Variants in HBB observed in about 807,000 individuals in gnomAD.
HBB encodes hemoglobin subunit beta, also known as Hb Monza protein.
In HBB, 18 loss-of-function variants were observed where a neutral mutation model predicts 9.7. The observed-to-expected ratio is 1.86, with a 90% CI of 1.28 to 2.76. The LOEUF is 2.76. HBB is among the 30% of genes most tolerant of loss of function. The pLI is 0.00. For synonymous variants in HBB, 99 were observed against 73.6 expected, an observed-to-expected ratio of 1.35 and a Z score of -1.77; for missense variants, 156 against 177.0, an observed-to-expected ratio of 0.88 and a Z score of 0.67.
At position 5,226,969 on chromosome 11, in the gene HBB, T is replaced by G. The variant is rs369865419; in HGVS notation, c.53A>C (p.Lys18Thr). 1 of 1,613,928 alleles carries G rather than the reference T, an allele frequency of 6.2e-7. No homozygotes were observed. Among genetic ancestry groups the G allele is most frequent in the South Asian group, 1.1e-5 (1 of 91,082 alleles). Residue 18 changes from lysine (K) to threonine (T), a missense_variant, in exon 1 of 3, where the codon AAG becomes ACG. Lys to Thr is a moderately conservative substitution (Grantham distance 78). Transcript: ENST00000335295. ...EKSAVTALWG[K>T]VNVDEVGGEA... ...ACCACCAACTTCATCCACGTTCACCTTGCCCCACAGGGCAGTAACGGCAGA... is the reference window on the plus strand; with the variant it reads ...ACCACCAACTTCATCCACGTTCACCGTGCCCCACAGGGCAGTAACGGCAGA...
rs181743523 is a variant in HBB at position 5,225,805 on chromosome 11, C to T, written c.316-79G>A. The T allele has an allele frequency of 1.2e-5, 17 of 1,475,478 alleles. No individual in the cohort carries two copies. The East Asian group carries it at 1.6e-4, about 14-fold the overall frequency. The allele number at this position is 1,475,478 out of a possible 1,614,324, so 91.4% of individuals were successfully genotyped here. On this transcript the variant is annotated intron_variant, in intron 2 of 2. Transcript: ENST00000335295. Reference sequence around the variant, plus strand: ...GACTCAGAATAATCCAGCCTTATCCCAACCATAAAATAAAAGCAGAATGGT... The same window carrying T: ...GACTCAGAATAATCCAGCCTTATCCTAACCATAAAATAAAAGCAGAATGGT...
In HBB at chr11:5,225,548, T is replaced by C. The variant is rs751286983; in HGVS notation, c.*50A>G. ...ATATCCCCCAGTTTAGTAGTTGGACTTAGGGAACAAAGGAACCTTTAATAG... is the reference window on the plus strand; with the variant it reads ...ATATCCCCCAGTTTAGTAGTTGGACCTAGGGAACAAAGGAACCTTTAATAG... On this transcript the variant is annotated 3_prime_UTR_variant, in exon 3 of 3. Coordinates refer to ENST00000335295, the MANE Select transcript of HBB (RefSeq NM_000518.5). 1 of 1,599,918 alleles carries C rather than the reference T, an allele frequency of 6.3e-7. No individual in the cohort carries two copies. The highest frequency in any genetic ancestry group is 1.1e-5 in the South Asian group (1 of 90,776).
chr11:5,226,015 G>GAAATTATT lies in HBB; in HGVS notation c.316-290_316-289insAATAATTT, dbSNP rs1417673135. Among the ~76,000 whole-genome samples the GAAATTATT allele has an allele frequency of 2.0e-5, 3 of 152,082 alleles. No homozygotes were observed. The East Asian group carries it at 5.8e-4, about 29-fold the overall frequency. On this transcript the variant is annotated intron_variant, in intron 2 of 2. Coordinates refer to ENST00000335295, the MANE Select transcript of HBB (RefSeq NM_000518.5). ...TTATTGCCCTGAAAGAAAGAGATTA[G>GAAATTATT]GGAAAGTATTAGAAATAAGATAAAC...
chr11:5,226,026 A>C (rs1847538977), intron 2 of HBB, among the ~76,000 whole-genome samples: 1 of 152,184 alleles, frequency 6.6e-6, no homozygotes, highest in Non-Finnish European at 1.5e-5. Context: ...GGAAAGTATT[A>C]GAAATAAGAT....
rs1847544650 is a variant in HBB, at chr11:5,226,317, T to TA, written c.315+259dup. 2 of 590,110 alleles carry TA rather than the reference T, an allele frequency of 3.4e-6. No homozygotes were observed. The highest frequency in any genetic ancestry group is 4.2e-5 in the South Asian group (2 of 47,270). 36.6% of individuals were successfully genotyped at this position (590,110 alleles called of 1,614,324 possible). A position where few individuals can be genotyped will look rare whatever the true frequency, so the allele number is the denominator to read the frequency against. ...ATCTCAGAGATATTTCCTTTTGTTATACACAATGTTAAGGCATTAAGTATA... is the reference window on the plus strand; with the variant it reads ...ATCTCAGAGATATTTCCTTTTGTTATAACACAATGTTAAGGCATTAAGTATA... On this transcript the variant is annotated intron_variant, in intron 2 of 2. Transcript: ENST00000335295.
At position 5,226,741 on chromosome 11, in the gene HBB, T is replaced by A. The variant is rs63750336; in HGVS notation, c.151A>T (p.Thr51Ser). Residue 51 changes from threonine (T) to serine (S), a missense_variant, in exon 2 of 3, where the codon ACT (threonine) becomes TCT (serine). Thr to Ser is a moderately conservative substitution (Grantham distance 58, BLOSUM62 1). Transcript: ENST00000335295. Reference sequence around the variant, plus strand: ...GGGTTGCCCATAACAGCATCAGGAGTGGACAGATCCCCAAAGGACTCAAAG... The same window carrying A: ...GGGTTGCCCATAACAGCATCAGGAGAGGACAGATCCCCAAAGGACTCAAAG... ...RFFESFGDLS[T>S]PDAVMGNPKV... 10 of 1,613,796 alleles carry A rather than the reference T, an allele frequency of 6.2e-6. No homozygotes were observed. Among genetic ancestry groups the A allele is most frequent in the East Asian group, 2.2e-5 (1 of 44,860 alleles).
chr11:5,225,753 A>G lies in HBB; in HGVS notation c.316-27T>C, dbSNP rs1280140490. 6.2e-7 allele frequency: 1 copy of G among 1,613,348 alleles called. No homozygotes were observed. The highest frequency in any genetic ancestry group is 8.5e-7 in the Non-Finnish European group (1 of 1,179,462). On this transcript the variant is annotated intron_variant, in intron 2 of 2. Transcript: ENST00000335295. ...TGTGGGAGGAAGATAAGAGGTATGA[A>G]CATGATTAGCAAAAGGGCCTAGCTT...
chr11:5,226,357 G>A lies in HBB; in HGVS notation c.315+220C>T, dbSNP rs113152027. 8.9e-4 allele frequency: 540 copies of A among 604,260 alleles called. 5 individuals are homozygous for A. The highest frequency in any genetic ancestry group is 8.7e-3 in the African/African-American group (465 of 53,470). The allele number at this position is 604,260 out of a possible 1,614,324, so 37.4% of individuals were successfully genotyped here. A position where few individuals can be genotyped will look rare whatever the true frequency, so the allele number is the denominator to read the frequency against. Reference sequence around the variant, plus strand: ...CATTAAGTATAATAGTAAAAATTGCGGAGAAGAAAAAAAAAGAAAGCAAGA... The same window carrying A: ...CATTAAGTATAATAGTAAAAATTGCAGAGAAGAAAAAAAAAGAAAGCAAGA... On this transcript the variant is annotated intron_variant, in intron 2 of 2. Coordinates refer to ENST00000335295, the MANE Select transcript of HBB (RefSeq NM_000518.5).
Position 5,225,593 on chromosome 11 carries a change from C to T in HBB, c.*5G>A, listed in dbSNP as rs779043171. On this transcript the variant is annotated 3_prime_UTR_variant, in exon 3 of 3. Transcript: ENST00000335295. ...TAATAGAAATTGGACAGCAAGAAAG[C>T]GAGCTTAGTGATACTTGTGGGCCAG... The T allele has an allele frequency of 8.7e-6, 14 of 1,613,874 alleles. No homozygotes were observed. The highest frequency in any genetic ancestry group is 7.7e-5 in the South Asian group (7 of 91,070).
chr11:5,226,646 G>T lies in HBB; in HGVS notation c.246C>A (p.Leu82=), dbSNP rs145669504. 93 of 1,614,154 alleles carry T rather than the reference G, an allele frequency of 5.8e-5. 1 individual carries two copies. In the East Asian group the frequency reaches 1.9e-3, roughly 33 times the overall value. ...CACTCAGTGTGGCAAAGGTGCCCTTGAGGTTGTCCAGGTGAGCCAGGCCAT... is the reference window on the plus strand; with the variant it reads ...CACTCAGTGTGGCAAAGGTGCCCTTTAGGTTGTCCAGGTGAGCCAGGCCAT... ...FSDGLAHLDN[L]KGTFATLSEL... The change falls in exon 2 of 3, where the codon CTC becomes CTA. Residue 82 remains leucine (L), a synonymous_variant. Coordinates refer to ENST00000335295, the MANE Select transcript of HBB (RefSeq NM_000518.5).
At chr11:5,226,427 A>T in intron 2 of HBB, 150 bp downstream of exon 2, 1 of 744,876 alleles carries the variant, frequency 1.3e-6, no homozygotes, top group South Asian at 1.6e-5. Context: ...AATAAAAGAA[A>T]CTAAAACGAT....
rs33956879 is a variant in HBB, at chr11:5,226,928, A to C, written c.92+2T>G. 1 of 1,612,530 alleles carries C rather than the reference A, an allele frequency of 6.2e-7. No homozygotes were observed. The highest frequency in any genetic ancestry group is 8.5e-7 in the Non-Finnish European group (1 of 1,178,578). On this transcript the variant is annotated splice_donor_variant, in intron 1 of 2. Coordinates refer to ENST00000335295, the MANE Select transcript of HBB (RefSeq NM_000518.5). LOFTEE classifies it high-confidence loss of function. ...AACCTGTCTTGTAACCTTGATACCAACCTGCCCAGGGCCTCACCACCAACT... is the reference window on the plus strand; with the variant it reads ...AACCTGTCTTGTAACCTTGATACCACCCTGCCCAGGGCCTCACCACCAACT...
chr11:5,226,905 C>G, intron 1 of HBB, 25 bp downstream of exon 1: 2 of 1,605,928 alleles, frequency 1.2e-6, no homozygotes, highest in Non-Finnish European at 1.7e-6. Context: ...TCTCCTTAAA[C>G]CTGTCTTGTA....
In HBB at chr11:5,225,796, G is replaced by C. The variant is rs193922560; in HGVS notation, c.316-70C>G. ...CCTAGCTTGGACTCAGAATAATCCA[G>C]CCTTATCCCAACCATAAAATAAAAG... On this transcript the variant is annotated intron_variant, in intron 2 of 2. Transcript: ENST00000335295. The C allele has an allele frequency of 1.7e-4, 264 of 1,519,948 alleles. No individual in the cohort carries two copies. The African/African-American group carries it at 3.3e-3, about 19-fold the overall frequency. 94.2% of individuals were successfully genotyped at this position (1,519,948 alleles called of 1,614,324 possible).
Position 5,225,531 on chromosome 11 carries a change from C to G in HBB, c.*67G>C. 6.7e-7 allele frequency: 1 copy of G among 1,483,890 alleles called. No individual in the cohort carries two copies. Among genetic ancestry groups the G allele is most frequent in the Non-Finnish European group, 9.4e-7 (1 of 1,061,130 alleles). The allele number at this position is 1,483,890 out of a possible 1,614,324, so 91.9% of individuals were successfully genotyped here. A position where few individuals can be genotyped will look rare whatever the true frequency, so the allele number is the denominator to read the frequency against. ...GCTCAAGGCCCTTCATAATATCCCC[C>G]AGTTTAGTAGTTGGACTTAGGGAAC... On this transcript the variant is annotated 3_prime_UTR_variant, in exon 3 of 3. Coordinates refer to ENST00000335295, the MANE Select transcript of HBB (RefSeq NM_000518.5).
chr11:5,225,971 G>A lies in HBB; in HGVS notation c.316-245C>T, dbSNP rs1847538019. ...GTTATTCTTTAGAATGGTGCAAAGA[G>A]GCATGATACATTGTATCATTATTGC... On this transcript the variant is annotated intron_variant, in intron 2 of 2. Coordinates refer to ENST00000335295, the MANE Select transcript of HBB (RefSeq NM_000518.5). 6.6e-6 allele frequency among the ~76,000 whole-genome samples: 1 copy of A among 152,024 alleles called. No individual in the cohort carries two copies. The highest frequency in any genetic ancestry group is 2.4e-5 in the African/African-American group (1 of 41,364).
At position 5,226,227 on chromosome 11, in the gene HBB, C is replaced by T. The variant is rs1363355137; in HGVS notation, c.315+350G>A. Reference sequence around the variant, plus strand: ...GATTATGAATATGCAAATAAGCACACATATATTCCAAATAGTAATGTACTA... The same window carrying T: ...GATTATGAATATGCAAATAAGCACATATATATTCCAAATAGTAATGTACTA... On this transcript the variant is annotated intron_variant, in intron 2 of 2. Transcript: ENST00000335295. 1 of 419,204 alleles carries T rather than the reference C, an allele frequency of 2.4e-6. No individual in the cohort carries two copies. The highest frequency in any genetic ancestry group is 4.3e-6 in the Non-Finnish European group (1 of 234,742). The allele number at this position is 419,204 out of a possible 1,614,324, so 26.0% of individuals were successfully genotyped here.
chr11:5,225,965 C>G lies in HBB; in HGVS notation c.316-239G>C, dbSNP rs536547159. ...ATCACTGTTATTCTTTAGAATGGTG[C>G]AAAGAGGCATGATACATTGTATCAT... is the stretch of plus-strand genomic sequence containing the variant. On this transcript the variant is annotated intron_variant, in intron 2 of 2. Transcript: ENST00000335295. 4.6e-5 allele frequency among the ~76,000 whole-genome samples: 7 copies of G among 152,016 alleles called. No individual in the cohort carries two copies. Among genetic ancestry groups the G allele is most frequent in the African/African-American group, 1.7e-4 (7 of 41,444 alleles).
chr11:5,226,231 T>C (rs1425785780), intron 2 of HBB: 1 of 429,928 alleles, frequency 2.3e-6, no homozygotes, highest in Non-Finnish European at 4.1e-6. Flanking sequence ...AGCACACATA[T>C]ATTCCAAATA....
Sources: allele counts gnomAD v4.1 joint callset (sites outside exome capture counted in the v4.1 genomes callset), GRCh38; gene constraint gnomAD v4.1.1; transcripts MANE v1.5; gene names NCBI Gene and HGNC (gene_info 2026-07-23, HGNC 2026-07-21).